The following STAC variants were observed in gnomAD, a reference collection of about 807,000 sequenced individuals.
The protein encoded by STAC is SH3 and cysteine rich domain, also known as SH3 and cysteine-rich domain-containing protein.
Under a neutral mutation model 48.8 loss-of-function variants are expected in STAC, and 43 were observed. That is an observed-to-expected ratio of 0.88 (90% CI 0.69 to 1.14). The LOEUF (loss-of-function observed/expected upper bound fraction) is 1.14. Among genes scored for constraint, STAC ranks in the 50% most tolerant of loss-of-function variants. The probability of loss-of-function intolerance (pLI) is 0.00; values close to 1 mark genes in which losing one functional copy is unlikely to be tolerated. For missense variants in STAC, 497 were observed against 504.0 expected, an observed-to-expected ratio of 0.99 and a Z score of 0.13; for synonymous variants, 193 against 179.5, an observed-to-expected ratio of 1.07 and a Z score of -0.60.
chr3:36,473,116 T>G (rs1575223693), intron 2 of STAC, among the ~76,000 whole-genome samples: 1 of 151,660 alleles, frequency 6.6e-6, no homozygotes, highest in South Asian at 2.1e-4. Flanking sequence ...CAAGAGAAAA[T>G]GAGGAGGAAG....
At chr3:36,431,381 C>T (rs983064004) in intron 1 of STAC, among the ~76,000 whole-genome samples, 5 of 152,116 alleles carry the variant, frequency 3.3e-5, no homozygotes, top group Non-Finnish European at 5.9e-5. Flanking sequence ...TGGCCACTGC[C>T]GCCCGTGTTG....
intron 2 of STAC, among the ~76,000 whole-genome samples, chr3:36,453,367 G>C (rs1410859039): frequency 2.6e-5 from 4 of 152,190 alleles, no homozygotes; most frequent in South Asian, 2.1e-4. Flanking sequence ...GCGGGAACCG[G>C]GGCTGCGCGC....
intron 8 of STAC, among the ~76,000 whole-genome samples, chr3:36,508,332 A>G (rs1698454337): frequency 6.6e-6 from 1 of 152,114 alleles, no homozygotes; most frequent in African/African-American, 2.4e-5. Context: ...GGTGTGTTTT[A>G]CTTCCAATTG....
chr3:36,421,474 G>A (rs1051954563), intron 1 of STAC, among the ~76,000 whole-genome samples: 2 of 152,012 alleles, frequency 1.3e-5, no homozygotes, highest in Non-Finnish European at 2.9e-5. Flanking sequence ...TTTTGGTACT[G>A]TAAACTTCTG....
chr3:36,431,940 G>A (rs915346740), intron 1 of STAC, among the ~76,000 whole-genome samples: 6 of 152,144 alleles, frequency 3.9e-5, no homozygotes, highest in African/African-American at 1.4e-4. Context: ...ATTGGTCCTT[G>A]GAACCATCTT....
At chr3:36,415,600 G>A (rs144397812) in intron 1 of STAC, among the ~76,000 whole-genome samples, 11 of 152,288 alleles carry the variant, frequency 7.2e-5, no homozygotes, top group East Asian at 3.9e-4. Flanking sequence ...TCGGCTCACC[G>A]TTGGTGCACT....
intron 1 of STAC, among the ~76,000 whole-genome samples, chr3:36,383,338 A>ATTTAT (rs58552520): frequency 0.28 from 29,142 of 102,726 alleles, 3,395 homozygotes; most frequent in Middle Eastern, 0.32. Context: ...CACTGTGAAA[A>ATTTAT]TTTATTATGG....
At chr3:36,451,391 T>C (rs960173480) in intron 2 of STAC, among the ~76,000 whole-genome samples, 2 of 152,198 alleles carry the variant, frequency 1.3e-5, no homozygotes, top group Admixed American at 6.5e-5. Context: ...CTCCTTCCTG[T>C]TTTTGCAGAT....
chr3:36,469,701 C>T (rs935029303), intron 2 of STAC, among the ~76,000 whole-genome samples: 3 of 152,218 alleles, frequency 2.0e-5, no homozygotes, highest in Admixed American at 6.5e-5. Flanking sequence ...TCTTCTTCCC[C>T]GGGAAGCCCA....
rs987303343 is a variant in STAC, at chr3:36,547,735, T to C, written c.*1446T>C. On this transcript the variant is annotated 3_prime_UTR_variant, in exon 11 of 11. Transcript: ENST00000273183. Reference sequence around the variant, plus strand: ...ATTTATTTCTTTTGTTCCCGCTCAGTGTGAAGTTGGGAACTGAGAGGGGAT... The same window carrying C: ...ATTTATTTCTTTTGTTCCCGCTCAGCGTGAAGTTGGGAACTGAGAGGGGAT... 6.6e-6 allele frequency: 1 copy of C among 152,278 alleles called. No individual in the cohort carries two copies. Among genetic ancestry groups the C allele is most frequent in the African/African-American group, 2.4e-5 (1 of 41,442 alleles). The allele number at this position is 152,278 out of a possible 1,614,324, so 9.4% of individuals were successfully genotyped here.
chr3:36,443,699 G>A lies in STAC; in HGVS notation c.388+59G>A. 1.3e-6 allele frequency: 2 copies of A among 1,583,216 alleles called. No individual in the cohort carries two copies. The highest frequency in any genetic ancestry group is 1.7e-6 in the Non-Finnish European group (2 of 1,168,488). On this transcript the variant is annotated intron_variant, in intron 2 of 10. Coordinates refer to ENST00000273183, the MANE Select transcript of STAC (RefSeq NM_003149.3). The surrounding 1 kb of genome is among the most constrained non-coding windows in gnomAD (Gnocchi z 4.2). ...CACCCCCGGAAAGCTGAGTGAGAGT[G>A]GTGTGCCACGGGTCCAGGTACCTAC...
At chr3:36,492,031 AATATATATATATATATAT>A (rs11267408) in intron 5 of STAC, among the ~76,000 whole-genome samples, 13 of 16,440 alleles carry the variant, frequency 7.9e-4, no homozygotes, top group Admixed American at 2.2e-3. Context: ...AAAAAAAAAA[AATATATATATATATATAT>A]ATATATATAT....
At chr3:36,425,711 T>G (rs1406561798) in intron 1 of STAC, among the ~76,000 whole-genome samples, 1 of 152,016 alleles carries the variant, frequency 6.6e-6, no homozygotes, top group African/African-American at 2.4e-5. Context: ...TAATATTATT[T>G]TAAAAGAAAA....
At chr3:36,391,334 G>A (rs151320398) in intron 1 of STAC, among the ~76,000 whole-genome samples, 10 of 152,104 alleles carry the variant, frequency 6.6e-5, no homozygotes, top group African/African-American at 1.4e-4. Flanking sequence ...TTTTTCACCC[G>A]CAGCCCTTCT....
intron 2 of STAC, among the ~76,000 whole-genome samples, chr3:36,464,495 A>G (rs1295561111): frequency 6.6e-6 from 1 of 152,102 alleles, no homozygotes; most frequent in Admixed American, 6.6e-5. Flanking sequence ...TGGTTACATA[A>G]TAAGTTCTTT....
chr3:36,473,218 A>C (rs1186551881), intron 2 of STAC, among the ~76,000 whole-genome samples: 1 of 152,122 alleles, frequency 6.6e-6, no homozygotes, highest in African/African-American at 2.4e-5. Context: ...TGCATGATTC[A>C]ATTACCTCCC....
rs917385262 is a variant in STAC, at chr3:36,443,258, G to A, written c.112-106G>A. 81 of 1,318,414 alleles carry A rather than the reference G, an allele frequency of 6.1e-5. No homozygotes were observed. Among genetic ancestry groups the A allele is most frequent in the Non-Finnish European group, 7.8e-5 (74 of 950,752 alleles). 81.7% of individuals were successfully genotyped at this position (1,318,414 alleles called of 1,614,324 possible). A position where few individuals can be genotyped will look rare whatever the true frequency, so the allele number is the denominator to read the frequency against. Reference sequence around the variant, plus strand: ...ATTTATGAGCCTCCTCAAGACGGAGGGTGTCAGTGGGGACTGTGTAGTGCA... The same window carrying A: ...ATTTATGAGCCTCCTCAAGACGGAGAGTGTCAGTGGGGACTGTGTAGTGCA... On this transcript the variant is annotated intron_variant, in intron 1 of 10. Transcript: ENST00000273183. The surrounding 1 kb of genome is among the most constrained non-coding windows in gnomAD (Gnocchi z 4.2).
intron 1 of STAC, among the ~76,000 whole-genome samples, chr3:36,397,966 G>C (rs1462842887): frequency 6.6e-6 from 1 of 152,072 alleles, no homozygotes; most frequent in Non-Finnish European, 1.5e-5. Context: ...TTGATGATGG[G>C]AGATATTTAA....
chr3:36,392,186 T>G (rs1225103535), intron 1 of STAC, among the ~76,000 whole-genome samples: 1 of 152,174 alleles, frequency 6.6e-6, no homozygotes, highest in East Asian at 1.9e-4. Context: ...TCTGAACATA[T>G]CTGTACATCT....
Sources: allele counts gnomAD v4.1 joint callset (sites outside exome capture counted in the v4.1 genomes callset), GRCh38; gene constraint gnomAD v4.1.1; non-coding constraint Gnocchi (gnomAD v3.1); transcripts MANE v1.5; gene names NCBI Gene and HGNC (gene_info 2026-07-23, HGNC 2026-07-21).